Variants in ANKRD36 observed in about 807,000 individuals in gnomAD.
ANKRD36 encodes the protein ankyrin repeat domain-containing protein 36A.
In ANKRD36, 179 loss-of-function variants were observed where a neutral mutation model predicts 278.1. That is an observed-to-expected ratio of 0.64 (90% confidence interval 0.57 to 0.73). The LOEUF (loss-of-function observed/expected upper bound fraction) is 0.73. Ranked by LOEUF, ANKRD36 falls within the 30% of genes least tolerant of loss-of-function variation. ANKRD36 has a pLI of 0.00. For missense variants in ANKRD36, 1,159 were observed against 1,956.7 expected, an observed-to-expected ratio of 0.59 and a Z score of 7.69; for synonymous variants, 320 against 641.1, an observed-to-expected ratio of 0.50 and a Z score of 7.57.
At chr2:97,227,219 T>G in intron 67 of ANKRD36, among the ~76,000 whole-genome samples, 1 of 152,138 alleles carries the variant, frequency 6.6e-6, no homozygotes, top group Non-Finnish European at 1.5e-5. Flanking sequence ...CCTTGGGCAG[T>G]ATGGCCATTT....
In ANKRD36 at chr2:97,198,430, T is replaced by C. The variant is rs772277833; in HGVS notation, c.2654-33T>C. On this transcript the variant is annotated intron_variant, in intron 42 of 75. Coordinates refer to ENST00000420699, the MANE Select transcript of ANKRD36 (RefSeq NM_001354587.1). ...TATGGATAATTTTGTCGTTTTTACA[T>C]ATGAGTGATTATGAATCCCTTTTAC... The C allele has an allele frequency of 8.9e-6, 14 of 1,569,274 alleles. No individual in the cohort carries two copies. The Admixed American group carries it at 1.3e-4, about 15-fold the overall frequency.
rs746650654 is a variant in ANKRD36, at chr2:97,194,759, T to A, written c.2478+5T>A. ...CGGAAAAAACCAGCCTTGAAGGTAA[T>A]GAAACTCTCATTCATATTGTGAGCT... is the stretch of plus-strand genomic sequence containing the variant. On this transcript the variant is annotated splice_donor_5th_base_variant and intron_variant, in intron 39 of 75. Transcript: ENST00000420699. 9 of 1,603,724 alleles carry A rather than the reference T, an allele frequency of 5.6e-6. No homozygotes were observed. Among genetic ancestry groups the A allele is most frequent in the Non-Finnish European group, 6.8e-6 (8 of 1,178,502 alleles).
At chr2:97,222,252 G>A (rs1308319165) in intron 66 of ANKRD36, among the ~76,000 whole-genome samples, 1 of 151,938 alleles carries the variant, frequency 6.6e-6, no homozygotes, top group African/African-American at 2.4e-5. Context: ...GGATTGACTT[G>A]GCGATGCGGG....
At chr2:97,121,101 T>G (rs1384722471) in intron 3 of ANKRD36, among the ~76,000 whole-genome samples, 3 of 152,104 alleles carry the variant, frequency 2.0e-5, no homozygotes, top group Non-Finnish European at 4.4e-5. Flanking sequence ...TTTCAAGGTT[T>G]TTAAGACATT....
intron 18 of ANKRD36, chr2:97,163,394 T>A: frequency 2.6e-6 from 1 of 379,530 alleles, no homozygotes; most frequent in Non-Finnish European, 5.1e-6. Flanking sequence ...GCATACTTTT[T>A]TTTTTGCATA....
chr2:97,216,513 T>C lies in ANKRD36; in HGVS notation c.3674-664T>C, dbSNP rs2065963525. 2.4e-5 allele frequency: 4 copies of C among 168,126 alleles called. No individual in the cohort carries two copies. The South Asian group carries it at 7.0e-4, about 29-fold the overall frequency. 10.4% of individuals were successfully genotyped at this position (168,126 alleles called of 1,614,324 possible). A position where few individuals can be genotyped will look rare whatever the true frequency, so the allele number is the denominator to read the frequency against. On this transcript the variant is annotated intron_variant, in intron 62 of 75. Coordinates refer to ENST00000420699, the MANE Select transcript of ANKRD36 (RefSeq NM_001354587.1). Reference sequence around the variant, plus strand: ...TTTATTGAGGCTAATATATTATCCTTTGGTGCCATGAATGGATGAAGAAAT... The same window carrying C: ...TTTATTGAGGCTAATATATTATCCTCTGGTGCCATGAATGGATGAAGAAAT...
chr2:97,206,481 G>A (rs999756428), intron 52 of ANKRD36, among the ~76,000 whole-genome samples: 1 of 151,468 alleles, frequency 6.6e-6, no homozygotes. Flanking sequence ...TTTTACAGAT[G>A]TCACATCATA....
intron 66 of ANKRD36, among the ~76,000 whole-genome samples, chr2:97,222,950 G>A (rs1350446277): frequency 6.6e-6 from 1 of 152,050 alleles, no homozygotes; most frequent in Non-Finnish European, 1.5e-5. Context: ...GAAACAAAAA[G>A]TTATAGCATT....
In ANKRD36 at chr2:97,200,676, A is replaced by T. The variant is rs2061115860; in HGVS notation, c.2857+151A>T. On this transcript the variant is annotated intron_variant, in intron 46 of 75. Transcript: ENST00000420699. The stretch of plus-strand genomic sequence containing the variant: ...TCTAACAAGTTCTTGGGTTATGCTG[A>T]TGCTGCTTGTCTGCAGCATGATCTT... Among the ~76,000 whole-genome samples the T allele has an allele frequency of 2.6e-5, 4 of 151,910 alleles. 1 individual carries two copies. Among genetic ancestry groups the T allele is most frequent in the African/African-American group, 9.7e-5 (4 of 41,414 alleles).
At position 97,176,671 on chromosome 2, in the gene ANKRD36, A is replaced by G. The variant is rs369930550; in HGVS notation, c.1634-3067A>G. 2.6e-4 allele frequency among the ~76,000 whole-genome samples: 39 copies of G among 150,734 alleles called. 1 individual carries two copies. The highest frequency in any genetic ancestry group is 1.6e-3 in the East Asian group (8 of 5,114). ...GTGTGAATTTGATCCTGTCATTACG[A>G]TGTTAGCTGGTTATTTTGCTCGTTA... On this transcript the variant is annotated intron_variant, in intron 22 of 75. Coordinates refer to ENST00000420699, the MANE Select transcript of ANKRD36 (RefSeq NM_001354587.1).
At position 97,128,733 on chromosome 2, in the gene ANKRD36, T is replaced by C. The variant is rs1043949412; in HGVS notation, c.799+1599T>C. Among the ~76,000 whole-genome samples, 3 of 151,910 alleles carry C rather than the reference T, an allele frequency of 2.0e-5. 1 individual carries two copies. Among genetic ancestry groups the C allele is most frequent in the Non-Finnish European group, 4.4e-5 (3 of 67,998 alleles). On this transcript the variant is annotated intron_variant, in intron 6 of 75. Transcript: ENST00000420699. ...TGTGTGAGAAAAACTGTGGTCTTCT[T>C]ATCTGCTCCTTGTGGAAATACTTAG...
intron 22 of ANKRD36, among the ~76,000 whole-genome samples, chr2:97,177,845 A>G (rs1387335246): frequency 6.6e-6 from 1 of 151,982 alleles, no homozygotes; most frequent in Admixed American, 6.6e-5. Flanking sequence ...ATTAAACTAA[A>G]GAGCTTCTGC....
intron 1 of ANKRD36, among the ~76,000 whole-genome samples, chr2:97,115,379 A>G (rs909278523): frequency 1.3e-5 from 2 of 152,156 alleles, no homozygotes; most frequent in African/African-American, 4.8e-5. Context: ...CAAATATCAC[A>G]AGCACACATT....
Position 97,196,900 on chromosome 2 carries a change from G to T in ANKRD36, c.2653+112G>T, listed in dbSNP as rs140021442. 6.6e-3 allele frequency: 9,742 copies of T among 1,472,092 alleles called. 541 individuals carry two copies. The African/African-American group carries it at 0.12, about 19-fold the overall frequency. 91.2% of individuals were successfully genotyped at this position (1,472,092 alleles called of 1,614,324 possible). ...GAAGCTGCACTTTCTGATTCAGCAG[G>T]CCGGAGATTCTTCATTTGCAGTAGG... On this transcript the variant is annotated intron_variant, in intron 42 of 75. Coordinates refer to ENST00000420699, the MANE Select transcript of ANKRD36 (RefSeq NM_001354587.1).
At chr2:97,134,850 A>G (rs1299246484) in intron 6 of ANKRD36, among the ~76,000 whole-genome samples, 1 of 152,080 alleles carries the variant, frequency 6.6e-6, no homozygotes, top group Non-Finnish European at 1.5e-5. Context: ...TCTGACAAGG[A>G]AACAAGACTC....
chr2:97,201,932 C>T (rs1276283852), intron 46 of ANKRD36, among the ~76,000 whole-genome samples: 1 of 151,846 alleles, frequency 6.6e-6, no homozygotes. Context: ...TCGGCATATC[C>T]ACATTGATAT....
At chr2:97,117,047 C>CTTT (rs58474116) in intron 1 of ANKRD36, among the ~76,000 whole-genome samples, 1 of 143,548 alleles carries the variant, frequency 7.0e-6, no homozygotes, top group African/African-American at 2.6e-5. Flanking sequence ...TCTTTTATTC[C>CTTT]TTTTTTTTTT....
intron 22 of ANKRD36, among the ~76,000 whole-genome samples, chr2:97,172,861 G>A (rs1301861146): frequency 8.4e-4 from 122 of 144,770 alleles, no homozygotes; most frequent in African/African-American, 3.0e-3. Flanking sequence ...GTGTGTGTAT[G>A]TGTGTGTATT....
intron 54 of ANKRD36, among the ~76,000 whole-genome samples, chr2:97,208,958 A>G (rs1251440596): frequency 6.8e-6 from 1 of 146,746 alleles, no homozygotes; most frequent in Non-Finnish European, 1.5e-5. Context: ...TTTACTTTGT[A>G]GACGTATGTC....
Sources: gnomAD v4.1 joint callset for allele counts (sites outside exome capture counted in the v4.1 genomes callset) on GRCh38, gnomAD v4.1.1 for gene constraint, MANE v1.5 for transcripts, NCBI Gene and HGNC (gene_info 2026-07-23, HGNC 2026-07-21) for gene names.